The following DLEU7 variants were observed in gnomAD, a reference collection of about 807,000 sequenced individuals.
The protein encoded by DLEU7 is leukemia-associated protein 7.
Under a neutral mutation model 16.0 loss-of-function variants are expected in DLEU7, and 17 were observed. That is an observed-to-expected ratio of 1.06 (90% CI 0.73 to 1.59). The LOEUF (loss-of-function observed/expected upper bound fraction) is 1.59, where lower values mean the gene tolerates loss of function less well. Among genes scored for constraint, DLEU7 ranks in the 40% most tolerant of loss-of-function variants. The probability of loss-of-function intolerance (pLI) is 0.00; values close to 1 mark genes in which losing one functional copy is unlikely to be tolerated. For missense variants in DLEU7, 308 were observed against 314.9 expected (o/e 0.98, Z 0.17); for synonymous variants, 113 against 139.8 (o/e 0.81, Z 1.35).
At chr13:50,729,156 A>G (rs185140148) in intron 1 of DLEU7, among the ~76,000 whole-genome samples, 55 of 152,304 alleles carry the variant, frequency 3.6e-4, no homozygotes, top group South Asian at 1.7e-3. Context: ...CTCCATAGGT[A>G]GTTTTCAGAT....
intron 1 of DLEU7, among the ~76,000 whole-genome samples, chr13:50,806,279 T>C (rs1327147194): frequency 1.3e-5 from 2 of 152,184 alleles, no homozygotes; most frequent in South Asian, 4.1e-4. Flanking sequence ...CATGTTAAAA[T>C]TGGAAGTCCT....
intron 1 of DLEU7, among the ~76,000 whole-genome samples, chr13:50,827,046 T>A (rs1216826590): frequency 6.6e-6 from 1 of 152,200 alleles, no homozygotes; most frequent in Non-Finnish European, 1.5e-5. Flanking sequence ...ATGGCTGAGA[T>A]TCAGGATGCA....
chr13:50,719,365 T>C (rs1324457801), intron 1 of DLEU7, among the ~76,000 whole-genome samples: 2 of 152,262 alleles, frequency 1.3e-5, no homozygotes, highest in Admixed American at 1.3e-4. Context: ...CTTAACTCCA[T>C]GAGTAATTTT....
chr13:50,734,511 A>T (rs953757477), intron 1 of DLEU7, among the ~76,000 whole-genome samples: 2 of 152,156 alleles, frequency 1.3e-5, no homozygotes, highest in Admixed American at 6.5e-5. Context: ...AAAAATAAAG[A>T]TCAGTTATTT....
intron 1 of DLEU7, among the ~76,000 whole-genome samples, chr13:50,781,357 A>C (rs1225076862): frequency 6.6e-6 from 1 of 152,232 alleles, no homozygotes; most frequent in Non-Finnish European, 1.5e-5. Flanking sequence ...ATCACATGTC[A>C]CTTCGCCTCT....
At chr13:50,719,085 G>A (rs1223294235) in intron 1 of DLEU7, among the ~76,000 whole-genome samples, 2 of 152,184 alleles carry the variant, frequency 1.3e-5, no homozygotes, top group African/African-American at 4.8e-5. Context: ...CAATCAGCGG[G>A]TGACTCTTTA....
chr13:50,842,646 G>T (rs1399188668), intron 1 of DLEU7, among the ~76,000 whole-genome samples: 4 of 152,196 alleles, frequency 2.6e-5, no homozygotes, highest in African/African-American at 9.6e-5. Context: ...CACTTTATGA[G>T]AATGTAGGTT....
intron 1 of DLEU7, among the ~76,000 whole-genome samples, chr13:50,842,618 C>T (rs902779303): frequency 1.3e-5 from 2 of 152,174 alleles, no homozygotes; most frequent in Non-Finnish European, 2.9e-5. Context: ...ACACCCGGGA[C>T]CCACCCAGCT....
At chr13:50,791,617 G>C (rs1019876608) in intron 1 of DLEU7, among the ~76,000 whole-genome samples, 21 of 152,130 alleles carry the variant, frequency 1.4e-4, no homozygotes, top group South Asian at 4.1e-4. Flanking sequence ...TGCAGGGTCA[G>C]AGCCAAGTTT....
At chr13:50,781,727 C>G (rs1267152233) in intron 1 of DLEU7, among the ~76,000 whole-genome samples, 1 of 152,148 alleles carries the variant, frequency 6.6e-6, no homozygotes, top group Non-Finnish European at 1.5e-5. Flanking sequence ...TCCTTCGCAT[C>G]TCAGCTCAGA....
At chr13:50,723,130 G>A (rs1356227897) in intron 1 of DLEU7, 2 of 152,048 alleles carry the variant, frequency 1.3e-5, no homozygotes, top group East Asian at 3.8e-4. Context: ...GCATATATCT[G>A]TTTTACAGAT....
At chr13:50,830,390 T>C (rs920023484) in intron 1 of DLEU7, among the ~76,000 whole-genome samples, 5 of 152,188 alleles carry the variant, frequency 3.3e-5, no homozygotes, top group African/African-American at 1.2e-4. Flanking sequence ...TGGTACTTGA[T>C]CTATAAAGAG....
chr13:50,766,809 G>A lies in DLEU7; in HGVS notation c.460-53569C>T, dbSNP rs1320585443. Among the ~76,000 whole-genome samples, 5 of 105,004 alleles carry A rather than the reference G, an allele frequency of 4.8e-5. No individual in the cohort carries two copies. The South Asian group carries it at 1.1e-3, about 23-fold the overall frequency. 68.9% of individuals were successfully genotyped at this position (105,004 alleles called of 152,430 possible). On this transcript the variant is annotated intron_variant, in intron 1 of 1. Coordinates refer to the DLEU7 transcript ENST00000400393. Reference sequence around the variant, plus strand: ...ACACACTTGACATCCCACCCCCCACGCCCCACCCCTGCCAGTGATTCTGAT... The same window carrying A: ...ACACACTTGACATCCCACCCCCCACACCCCACCCCTGCCAGTGATTCTGAT...
intron 1 of DLEU7, among the ~76,000 whole-genome samples, chr13:50,792,141 G>GT (rs1377671418): frequency 6.6e-6 from 1 of 152,118 alleles, no homozygotes; most frequent in Non-Finnish European, 1.5e-5. Context: ...CAGAACCAGT[G>GT]TATTATATAT....
intron 1 of DLEU7, among the ~76,000 whole-genome samples, chr13:50,776,467 T>A (rs553802260): frequency 1.1e-4 from 17 of 152,274 alleles, no homozygotes; most frequent in African/African-American, 3.6e-4. Flanking sequence ...GACATATCCT[T>A]ATATTGATGG....
At chr13:50,720,946 C>A (rs538885288) in intron 1 of DLEU7, among the ~76,000 whole-genome samples, 1 of 152,136 alleles carries the variant, frequency 6.6e-6, no homozygotes, top group Non-Finnish European at 1.5e-5. Context: ...TGAATGTCAA[C>A]TTGATTGGAT....
Position 50,795,846 on chromosome 13 carries a change from A to G in DLEU7, c.459+47342T>C, listed in dbSNP as rs1217167465. 2.6e-5 allele frequency among the ~76,000 whole-genome samples: 4 copies of G among 152,320 alleles called. No individual in the cohort carries two copies. In the East Asian group the frequency reaches 7.7e-4, roughly 29 times the overall value. On this transcript the variant is annotated intron_variant, in intron 1 of 1. Coordinates refer to the DLEU7 transcript ENST00000400393. ...AGTATGATTAATATTAATGATCTCT[A>G]CCCACTCATTTTTCTATCCTTGTGG...
chr13:50,744,450 G>T (rs1457901334), intron 1 of DLEU7, among the ~76,000 whole-genome samples: 1 of 152,190 alleles, frequency 6.6e-6, no homozygotes, highest in Non-Finnish European at 1.5e-5. Context: ...TTTTGACCGT[G>T]TAAGTGTTAA....
intron 1 of DLEU7, among the ~76,000 whole-genome samples, chr13:50,724,746 C>T (rs17350448): frequency 0.049 from 7,466 of 152,198 alleles, 598 homozygotes; most frequent in African/African-American, 0.16. Flanking sequence ...ATCGGCCCAT[C>T]GCATCAGGGT....
Sources: allele counts gnomAD v4.1 joint callset (sites outside exome capture counted in the v4.1 genomes callset), GRCh38; gene constraint gnomAD v4.1.1; transcripts MANE v1.5; gene names NCBI Gene and HGNC (gene_info 2026-07-23, HGNC 2026-07-21).